SYTL4: variants seen among roughly 807,000 people sequenced by gnomAD.
SYTL4 encodes synaptotagmin-like protein 4.
In SYTL4, 16 loss-of-function variants were observed where a neutral mutation model predicts 52.7. The ratio of observed to expected loss-of-function variants is 0.30; its 90% CI spans 0.21 to 0.46. The LOEUF is 0.46. Ranked by LOEUF, SYTL4 falls within the 20% of genes least tolerant of loss-of-function variation. The probability of loss-of-function intolerance (pLI) is 1.00; values close to 1 mark genes in which losing one functional copy is unlikely to be tolerated. For missense variants in SYTL4, 423 were observed against 519.9 expected, an observed-to-expected ratio of 0.81 and a Z score of 1.81; for synonymous variants, 160 against 186.6, an observed-to-expected ratio of 0.86 and a Z score of 1.16.
intron 8 of SYTL4, among the ~76,000 whole-genome samples, chrX:100,700,046 GA>G (rs2083815468): frequency 1.8e-5 from 2 of 111,224 alleles, no homozygotes; most frequent in African/African-American, 6.6e-5. Context: ...CAGAGAGACA[GA>G]AAGTAGATGA....
At chrX:100,694,945 G>C (rs935344046) in intron 8 of SYTL4, among the ~76,000 whole-genome samples, 28 of 111,201 alleles carry the variant, frequency 2.5e-4, no homozygotes, top group African/African-American at 8.8e-4. Context: ...TGTATTACTT[G>C]TATAGCACAA....
At position 100,727,875 on chromosome X, in the gene SYTL4, G is replaced by C. The variant is rs532884298; in HGVS notation, c.-240+3543C>G. ...GAGACAGGGAGTGCTGAGGGAAGAGGGTGGGAATACAAGGGCAATCGGGAG... is the reference window on the plus strand; with the variant it reads ...GAGACAGGGAGTGCTGAGGGAAGAGCGTGGGAATACAAGGGCAATCGGGAG... On this transcript the variant is annotated intron_variant, in intron 2 of 19. Coordinates refer to ENST00000372989, the MANE Select transcript of SYTL4 (RefSeq NM_001370165.1). Among the ~76,000 whole-genome samples the C allele has an allele frequency of 2.2e-4, 25 of 111,818 alleles. 1 individual carries two copies. In the South Asian group the frequency reaches 9.1e-3, roughly 41 times the overall value.
intron 19 of SYTL4, among the ~76,000 whole-genome samples, chrX:100,676,606 T>G (rs2083282159): frequency 9.0e-6 from 1 of 111,673 alleles, no homozygotes; most frequent in African/African-American, 3.3e-5. Flanking sequence ...CGCCTCAGCC[T>G]CCAGAGTACC....
At chrX:100,725,200 G>A (rs1035353870) in intron 2 of SYTL4, among the ~76,000 whole-genome samples, 11 of 111,640 alleles carry the variant, frequency 9.9e-5, no homozygotes, top group Non-Finnish European at 1.5e-4. Flanking sequence ...AGATCAAAAG[G>A]GAATGGCCGT....
chrX:100,715,568 G>A (rs749424377), intron 2 of SYTL4, among the ~76,000 whole-genome samples: 1 of 111,569 alleles, frequency 9.0e-6, no homozygotes, highest in African/African-American at 3.3e-5. Context: ...TGATTGTAAT[G>A]CAGTTGCTCT....
At chrX:100,686,574 T>G (rs1044235426) in intron 15 of SYTL4, 105 bp downstream of exon 15, 57 of 534,580 alleles carry the variant, frequency 1.1e-4, no homozygotes, top group Non-Finnish European at 1.8e-4. Context: ...GACACAGACA[T>G]GGCCCACTGA....
chrX:100,721,027 A>T (rs1298837450), intron 2 of SYTL4, among the ~76,000 whole-genome samples: 1 of 111,897 alleles, frequency 8.9e-6, no homozygotes, highest in East Asian at 2.8e-4. Context: ...TCAAATCCCT[A>T]GAGCAAGATT....
rs771336863 is a variant in SYTL4 at position 100,692,844 on chromosome X, C to T, written c.540-1635G>A. Among the ~76,000 whole-genome samples the T allele has an allele frequency of 6.3e-5, 7 of 111,519 alleles. No individual in the cohort carries two copies. The East Asian group carries it at 2.0e-3, about 31-fold the overall frequency. ...CAAACTTCTTCCTTGGGCTGCTCCTCCTCTCTATCTAGAATTATCCCTAAA... is the reference window on the plus strand; with the variant it reads ...CAAACTTCTTCCTTGGGCTGCTCCTTCTCTCTATCTAGAATTATCCCTAAA... On this transcript the variant is annotated intron_variant, in intron 8 of 19. Coordinates refer to ENST00000372989, the MANE Select transcript of SYTL4 (RefSeq NM_001370165.1).
At chrX:100,718,092 G>A (rs1314391704) in intron 2 of SYTL4, among the ~76,000 whole-genome samples, 1 of 112,146 alleles carries the variant, frequency 8.9e-6, no homozygotes, top group East Asian at 2.8e-4. Flanking sequence ...TGCATCATGA[G>A]TAAAAGGCAT....
At chrX:100,689,605 CT>C (rs749122535) in intron 12 of SYTL4, among the ~76,000 whole-genome samples, 107 of 92,377 alleles carry the variant, frequency 1.2e-3, no homozygotes, top group African/African-American at 4.2e-3. Flanking sequence ...TGCCATTGCA[CT>C]CCAGCCTGAG....
chrX:100,728,272 C>T (rs1408969021), intron 2 of SYTL4, among the ~76,000 whole-genome samples: 2 of 112,491 alleles, frequency 1.8e-5, no homozygotes, highest in Admixed American at 1.9e-4. Flanking sequence ...GGCCCAACTC[C>T]TTCCAAGTCT....
At chrX:100,689,209 C>CAA (rs768851126) in intron 12 of SYTL4, among the ~76,000 whole-genome samples, 1 of 79,724 alleles carries the variant, frequency 1.3e-5, no homozygotes, top group African/African-American at 4.7e-5. Flanking sequence ...TCCCATCTCT[C>CAA]AAAAAAAAAA....
At chrX:100,721,136 A>C (rs1449353749) in intron 2 of SYTL4, among the ~76,000 whole-genome samples, 1 of 111,863 alleles carries the variant, frequency 8.9e-6, no homozygotes, top group Non-Finnish European at 1.9e-5. Flanking sequence ...AAATATTCAA[A>C]TTAGATTTGT....
chrX:100,682,537 G>A (rs749840719), intron 16 of SYTL4, among the ~76,000 whole-genome samples: 12 of 109,960 alleles, frequency 1.1e-4, no homozygotes, highest in Non-Finnish European at 2.1e-4. Flanking sequence ...GCAAAACCTT[G>A]TCTCAACAAA....
chrX:100,725,894 G>A (rs1284343272), intron 2 of SYTL4, among the ~76,000 whole-genome samples: 3 of 111,269 alleles, frequency 2.7e-5, no homozygotes, highest in Non-Finnish European at 5.7e-5. Context: ...TGATACTAAT[G>A]GTATTCTGAT....
In SYTL4 at chrX:100,681,237, G is replaced by T. The variant is rs2083368125; in HGVS notation, c.1548C>A (p.Asp516Glu). The T allele has an allele frequency of 8.3e-7, 1 of 1,205,748 alleles. No homozygotes were observed. Among genetic ancestry groups the T allele is most frequent in the African/African-American group, 1.8e-5 (1 of 56,760 alleles). ...CCAAAGAAAACTCACTCTTTTTCCG[G>T]TCACCTCCAACAGGGGTTTTGGAGG... ...IPASKTPVGG[D>E]RKKSKGGEGG... is the part of the protein sequence containing the mutation. The change falls in exon 17 of 20, where the codon GAC becomes GAA. Residue 516 changes from aspartate (D) to glutamate (E), a missense_variant. Physicochemically the swap from Asp to Glu is conservative, Grantham distance 45. Coordinates refer to ENST00000372989, the MANE Select transcript of SYTL4 (RefSeq NM_001370165.1).
intron 2 of SYTL4, among the ~76,000 whole-genome samples, chrX:100,721,578 T>C (rs1022538356): frequency 9.0e-6 from 1 of 110,983 alleles, no homozygotes; most frequent in Non-Finnish European, 1.9e-5. Flanking sequence ...CCCAAGAGCT[T>C]ATCATCTAGG....
intron 2 of SYTL4, among the ~76,000 whole-genome samples, chrX:100,723,170 G>A (rs921792159): frequency 8.0e-5 from 9 of 112,477 alleles, no homozygotes; most frequent in Non-Finnish European, 1.3e-4. Context: ...CTGATGCAGA[G>A]GTGAAGCTGG....
At position 100,687,086 on chromosome X, in the gene SYTL4, C is replaced by T. The variant is rs367700683; in HGVS notation, c.1165G>A (p.Ala389Thr). The T allele has an allele frequency of 1.7e-6, 2 of 1,211,363 alleles. No individual in the cohort carries two copies. Among genetic ancestry groups the T allele is most frequent in the Admixed American group, 2.2e-5 (1 of 46,019 alleles). ...ECHQLAYADE[A>T]KKRSNPYVKT... The stretch of plus-strand genomic sequence containing the variant: ...ACTCACGGGTTAGAGCGCTTCTTGG[C>T]TTCATCAGCATAGGCCAGCTGATGG... Residue 389 changes from alanine to threonine, a missense_variant, in exon 14 of 20, where the codon GCC becomes ACC. Physicochemically the swap from Ala to Thr is moderately conservative, Grantham distance 58. Transcript: ENST00000372989.
Sources: gnomAD v4.1 joint callset for allele counts (sites outside exome capture counted in the v4.1 genomes callset) on GRCh38, gnomAD v4.1.1 for gene constraint, MANE v1.5 for transcripts, NCBI Gene and HGNC (gene_info 2026-07-23, HGNC 2026-07-21) for gene names.